The following DPP10 variants were observed in gnomAD, a reference collection of about 807,000 sequenced individuals.
The protein encoded by DPP10 is inactive dipeptidyl peptidase 10.
A neutral mutation model predicts 120.9 loss-of-function variants in DPP10; 33 were observed. The ratio of observed to expected loss-of-function variants is 0.27; its 90% CI spans 0.21 to 0.37. The LOEUF is 0.37. Among genes scored for constraint, DPP10 ranks in the 10% least tolerant of loss-of-function variants. The pLI, the probability that DPP10 is intolerant of heterozygous loss-of-function variation, is 1.00. For missense variants in DPP10, 816 were observed against 942.8 expected, an observed-to-expected ratio of 0.87 and a Z score of 1.76; for synonymous variants, 337 against 326.1, an observed-to-expected ratio of 1.03 and a Z score of -0.36.
At chr2:115,048,570 G>A (rs1042021673) in intron 1 of DPP10, among the ~76,000 whole-genome samples, 2 of 152,064 alleles carry the variant, frequency 1.3e-5, no homozygotes, top group African/African-American at 4.8e-5. Context: ...AGCTAAGCAG[G>A]GTAGCATAAA....
chr2:114,638,801 A>G (rs1255244186), intron 1 of DPP10, among the ~76,000 whole-genome samples: 1 of 151,890 alleles, frequency 6.6e-6, no homozygotes, highest in African/African-American at 2.4e-5. Context: ...TATCCAAAAT[A>G]ACATAAATTT....
chr2:115,477,766 A>T (rs1422407550), intron 3 of DPP10, among the ~76,000 whole-genome samples: 1 of 152,158 alleles, frequency 6.6e-6, no homozygotes, highest in Non-Finnish European at 1.5e-5. Context: ...AAGCCACAGT[A>T]ATCAAAACAG....
chr2:115,168,096 G>T (rs1007432307), intron 1 of DPP10, among the ~76,000 whole-genome samples: 5 of 152,070 alleles, frequency 3.3e-5, no homozygotes, highest in African/African-American at 1.2e-4. Flanking sequence ...AGAACCCAGG[G>T]TGCATGTCCC....
At chr2:114,653,505 A>G (rs1423380453) in intron 1 of DPP10, among the ~76,000 whole-genome samples, 2 of 152,214 alleles carry the variant, frequency 1.3e-5, no homozygotes, top group South Asian at 2.1e-4. Context: ...AAATGAATAT[A>G]CTATGCATCA....
chr2:114,858,607 C>T (rs1689552960), intron 1 of DPP10, among the ~76,000 whole-genome samples: 1 of 152,108 alleles, frequency 6.6e-6, no homozygotes, highest in South Asian at 2.1e-4. Context: ...TACTTAACAG[C>T]GGTAATTGAA....
intron 1 of DPP10, among the ~76,000 whole-genome samples, chr2:115,147,783 T>C (rs1034099699): frequency 6.6e-6 from 1 of 152,134 alleles, no homozygotes; most frequent in African/African-American, 2.4e-5. Flanking sequence ...CAGGGATGCA[T>C]GGCTTCTTTG....
At chr2:114,908,575 C>T (rs918466368) in intron 1 of DPP10, among the ~76,000 whole-genome samples, 1 of 151,744 alleles carries the variant, frequency 6.6e-6, no homozygotes, top group Non-Finnish European at 1.5e-5. Flanking sequence ...AGCTCTATTC[C>T]TTCTTTCTTC....
chr2:114,865,989 A>G (rs187562611), intron 1 of DPP10, among the ~76,000 whole-genome samples: 4 of 152,066 alleles, frequency 2.6e-5, no homozygotes, highest in African/African-American at 9.6e-5. Context: ...GTGCATGCCT[A>G]TAAACCCAGC....
At chr2:114,644,100 A>AT (rs70937295) in intron 1 of DPP10, among the ~76,000 whole-genome samples, 17,509 of 129,850 alleles carry the variant, frequency 0.13, 1,174 homozygotes, top group East Asian at 0.14. Flanking sequence ...ATGCCCAGCT[A>AT]TTTTTTTTTT....
chr2:115,527,929 G>T (rs984643130), intron 5 of DPP10, among the ~76,000 whole-genome samples: 7 of 152,082 alleles, frequency 4.6e-5, no homozygotes, highest in African/African-American at 1.7e-4. Context: ...TAATGGTACA[G>T]CTACTTTGGA....
intron 5 of DPP10, among the ~76,000 whole-genome samples, chr2:115,650,498 T>C (rs898514189): frequency 3.9e-5 from 6 of 152,082 alleles, no homozygotes; most frequent in African/African-American, 1.4e-4. Context: ...CAAGCCTTAT[T>C]ATGACTCTAG....
intron 3 of DPP10, among the ~76,000 whole-genome samples, chr2:115,361,175 C>G (rs2064741423): frequency 6.6e-6 from 1 of 151,944 alleles, no homozygotes; most frequent in South Asian, 2.1e-4. Flanking sequence ...TGTGCCATCC[C>G]ATGATCCCAC....
At position 115,343,856 on chromosome 2, in the gene DPP10, A is replaced by G; in HGVS notation, c.215A>G (p.Glu72Gly). ...TNSSETRLSL[E>G]DLFRKDFVLH... The stretch of plus-strand genomic sequence containing the variant: ...TCGTCAGAAACCAGATTGTCTTTGG[A>G]AGACCTCTTTAGGAAAGACTTTGTG... Residue 72 changes from glutamate (E) to glycine (G), a missense_variant, in exon 3 of 26, where the codon GAA becomes GGA. Physicochemically the swap from Glu to Gly is moderately conservative, Grantham distance 98 (BLOSUM62 -2). This residue lies in a region of DPP10 where 182 missense variants were observed against 207.4 expected (regional missense o/e 0.88). Coordinates refer to ENST00000410059, the MANE Select transcript of DPP10 (RefSeq NM_020868.6). 2.5e-6 allele frequency: 4 copies of G among 1,612,562 alleles called. No individual in the cohort carries two copies. Among genetic ancestry groups the G allele is most frequent in the Non-Finnish European group, 3.4e-6 (4 of 1,179,254 alleles).
chr2:115,655,507 C>T (rs1418931108), intron 5 of DPP10, among the ~76,000 whole-genome samples: 1 of 151,422 alleles, frequency 6.6e-6, no homozygotes, highest in Non-Finnish European at 1.5e-5. Context: ...ATGCTTTGCT[C>T]ATCAATTGTA....
intron 1 of DPP10, among the ~76,000 whole-genome samples, chr2:115,085,475 T>A (rs1274023965): frequency 6.6e-6 from 1 of 152,204 alleles, no homozygotes; most frequent in Non-Finnish European, 1.5e-5. Context: ...GTTCCCAAAT[T>A]TCAATAAATT....
intron 8 of DPP10, among the ~76,000 whole-genome samples, chr2:115,738,595 C>G (rs1246833558): frequency 6.6e-6 from 1 of 152,132 alleles, no homozygotes; most frequent in Non-Finnish European, 1.5e-5. Flanking sequence ...CTCCCAATGC[C>G]TTTTCCCTCT....
rs1325789107 is a variant in DPP10, at chr2:114,542,052, T to C, written c.60+99214T>C. ...GTTTTTTTTCTTTCTTTCTTTCCTTTTTTTTTTTTTTTTGAGATGGAGTCT... is the reference window on the plus strand; with the variant it reads ...GTTTTTTTTCTTTCTTTCTTTCCTTCTTTTTTTTTTTTTGAGATGGAGTCT... On this transcript the variant is annotated intron_variant, in intron 1 of 25. Coordinates refer to ENST00000410059, the MANE Select transcript of DPP10 (RefSeq NM_020868.6). Among the ~76,000 whole-genome samples the C allele has an allele frequency of 1.0e-4, 15 of 143,808 alleles. 1 individual carries two copies. The highest frequency in any genetic ancestry group is 6.0e-4 in the East Asian group (3 of 5,040). The allele number at this position is 143,808 out of a possible 152,430, so 94.3% of individuals were successfully genotyped here. A position where few individuals can be genotyped will look rare whatever the true frequency, so the allele number is the denominator to read the frequency against.
intron 7 of DPP10, among the ~76,000 whole-genome samples, chr2:115,722,385 T>C (rs2092669959): frequency 6.6e-6 from 1 of 151,828 alleles, no homozygotes; most frequent in Non-Finnish European, 1.5e-5. Flanking sequence ...TTCCATAGTC[T>C]CTTCATGCTT....
At chr2:114,474,828 CT>C (rs1232922905) in intron 1 of DPP10, among the ~76,000 whole-genome samples, 10 of 152,308 alleles carry the variant, frequency 6.6e-5, no homozygotes, top group African/African-American at 2.2e-4. Flanking sequence ...ACCTATGAAA[CT>C]TTTGAAAGTC....
Sources: allele counts gnomAD v4.1 joint callset (sites outside exome capture counted in the v4.1 genomes callset), GRCh38; gene constraint gnomAD v4.1.1; regional missense constraint gnomAD v4.1.1; transcripts MANE v1.5; gene names NCBI Gene and HGNC (gene_info 2026-07-23, HGNC 2026-07-21).